PPP3CC: variants seen among roughly 807,000 people sequenced by gnomAD.
The protein encoded by PPP3CC is protein phosphatase 3 catalytic subunit gamma.
Under a neutral mutation model 60.3 loss-of-function variants are expected in PPP3CC, and 35 were observed. That is an observed-to-expected ratio of 0.58 (90% CI 0.44 to 0.77). The LOEUF (loss-of-function observed/expected upper bound fraction) is 0.77, where lower values mean the gene tolerates loss of function less well. Among genes scored for constraint, PPP3CC ranks in the 30% least tolerant of loss-of-function variants. The probability of loss-of-function intolerance (pLI) is 0.00; values close to 1 mark genes in which losing one functional copy is unlikely to be tolerated. For missense variants in PPP3CC, 570 were observed against 628.9 expected, an observed-to-expected ratio of 0.91 and a Z score of 1.00; for synonymous variants, 206 against 224.3, an observed-to-expected ratio of 0.92 and a Z score of 0.73.
intron 1 of PPP3CC, among the ~76,000 whole-genome samples, chr8:22,465,809 T>A (rs1159792596): frequency 6.6e-6 from 1 of 152,000 alleles, no homozygotes; most frequent in African/African-American, 2.4e-5. Context: ...GTGAGAAATA[T>A]TATTGTAGCC....
chr8:22,470,096 A>G (rs1012914606), intron 1 of PPP3CC, among the ~76,000 whole-genome samples: 1 of 151,732 alleles, frequency 6.6e-6, no homozygotes. Context: ...ATACATATAT[A>G]TATGTTCTCT....
Position 22,474,955 on chromosome 8 carries a change from T to C in PPP3CC, c.51T>C (p.Ala17=). 2 of 1,538,562 alleles carry C rather than the reference T, an allele frequency of 1.3e-6. No individual in the cohort carries two copies. The highest frequency in any genetic ancestry group is 1.8e-6 in the Non-Finnish European group (2 of 1,136,024). ...HLSTTDRVIK[A]VPFPPTQRLT... is the part of the protein sequence containing the mutation. The stretch of plus-strand genomic sequence containing the variant: ...ATTATTATTATTATTTTTTTGTAGC[T>C]GTCCCCTTTCCTCCAACCCAACGGC... Residue 17 remains alanine, a splice_region_variant and synonymous_variant, in exon 2 of 14, where the codon GCT becomes GCC. Transcript: ENST00000240139.
chr8:22,516,086 G>A (rs1017227152), intron 6 of PPP3CC, among the ~76,000 whole-genome samples: 1 of 152,082 alleles, frequency 6.6e-6, no homozygotes, highest in African/African-American at 2.4e-5. Flanking sequence ...CTATGGGCAT[G>A]TGCCACCATG....
At chr8:22,466,096 T>A (rs1837513793) in intron 1 of PPP3CC, among the ~76,000 whole-genome samples, 1 of 152,222 alleles carries the variant, frequency 6.6e-6, no homozygotes, top group Non-Finnish European at 1.5e-5. Context: ...TGTTTGGTTT[T>A]CTGTCCTTGT....
At chr8:22,448,059 A>G (rs1416849049) in intron 1 of PPP3CC, among the ~76,000 whole-genome samples, 1 of 152,234 alleles carries the variant, frequency 6.6e-6, no homozygotes, top group Non-Finnish European at 1.5e-5. Flanking sequence ...GAATTCATTC[A>G]GTAATTACCT....
chr8:22,532,383 T>C, intron 11 of PPP3CC, 77 bp downstream of exon 11: 5 of 1,289,590 alleles, frequency 3.9e-6, no homozygotes, highest in Non-Finnish European at 5.6e-6. Context: ...GAACAGTTTT[T>C]TTATAATTGG....
At chr8:22,449,474 G>GAAAAAAAAAAAAAAAAAAA (rs1554526851) in intron 1 of PPP3CC, among the ~76,000 whole-genome samples, 1 of 132,718 alleles carries the variant, frequency 7.5e-6, no homozygotes, top group African/African-American at 2.9e-5. Context: ...AAAAAAAAAG[G>GAAAAAAAAAAAAAAAAAAA]AAATGCCTCA....
At chr8:22,527,259 T>A (rs1839582288) in intron 8 of PPP3CC, 133 bp from the exon 9 acceptor site, 4 of 989,030 alleles carry the variant, frequency 4.0e-6, no homozygotes, top group Non-Finnish European at 5.9e-6. Context: ...ATCTGCCCTT[T>A]ACCTAGTCAA....
chr8:22,464,199 A>C lies in PPP3CC; in HGVS notation c.50-10755A>C, dbSNP rs549720832. On this transcript the variant is annotated intron_variant, in intron 1 of 13. Coordinates refer to ENST00000240139, the MANE Select transcript of PPP3CC (RefSeq NM_005605.5). ...TTAACCCAAATTTAATAAAGCAAAG[A>C]GTTCTCACAAAAGTTTTAAGTTAAT... Among the ~76,000 whole-genome samples the C allele has an allele frequency of 2.0e-5, 3 of 152,278 alleles. No homozygotes were observed. The East Asian group carries it at 5.8e-4, about 29-fold the overall frequency.
chr8:22,456,230 G>C (rs956941172), intron 1 of PPP3CC, among the ~76,000 whole-genome samples: 4 of 152,070 alleles, frequency 2.6e-5, no homozygotes, highest in African/African-American at 9.7e-5. Flanking sequence ...ACTCACCGCA[G>C]GTCAACCCAT....
At chr8:22,539,045 G>A (rs1382167401) in intron 12 of PPP3CC, among the ~76,000 whole-genome samples, 1 of 152,110 alleles carries the variant, frequency 6.6e-6, no homozygotes, top group South Asian at 2.1e-4. Context: ...CTTGAGAGCA[G>A]TAAGATGTAG....
chr8:22,539,760 A>G (rs1839919489), intron 13 of PPP3CC, among the ~76,000 whole-genome samples: 1 of 152,206 alleles, frequency 6.6e-6, no homozygotes, highest in South Asian at 2.1e-4. Flanking sequence ...AGCTTAAGCA[A>G]CTGGTCATGA....
intron 3 of PPP3CC, among the ~76,000 whole-genome samples, chr8:22,496,265 C>T (rs1838577339): frequency 3.3e-5 from 5 of 151,702 alleles, no homozygotes. Context: ...GGACCAGTAC[C>T]ACTGTTTTGA....
At chr8:22,461,401 T>C (rs1178078397) in intron 1 of PPP3CC, among the ~76,000 whole-genome samples, 3 of 152,204 alleles carry the variant, frequency 2.0e-5, no homozygotes, top group African/African-American at 7.2e-5. Context: ...CCTGGGTAAG[T>C]TCCAGCAGTA....
intron 4 of PPP3CC, among the ~76,000 whole-genome samples, chr8:22,503,422 A>G (rs1396978482): frequency 6.6e-6 from 1 of 152,182 alleles, no homozygotes; most frequent in South Asian, 2.1e-4. Context: ...TTAGGAGTAG[A>G]TACGTAGTGA....
chr8:22,500,222 A>C (rs1293548313), intron 4 of PPP3CC, among the ~76,000 whole-genome samples: 1 of 152,190 alleles, frequency 6.6e-6, no homozygotes, highest in African/African-American at 2.4e-5. Context: ...GTACTGAAAT[A>C]AAAGCAAAAT....
rs1227047353 is a variant in PPP3CC at position 22,457,840 on chromosome 8, C to T, written c.49+16382C>T. ...GGCGCAGTGGCTTACGCCTGTAATC[C>T]CAGCACTTTGGGAGGCCAAGGCGGG... On this transcript the variant is annotated intron_variant, in intron 1 of 13. Transcript: ENST00000240139. 2.0e-5 allele frequency among the ~76,000 whole-genome samples: 3 copies of T among 152,318 alleles called. No homozygotes were observed. In the East Asian group the frequency reaches 5.8e-4, roughly 29 times the overall value.
intron 6 of PPP3CC, among the ~76,000 whole-genome samples, chr8:22,522,017 CATA>C (rs1236671158): frequency 6.7e-6 from 1 of 149,164 alleles, no homozygotes; most frequent in Non-Finnish European, 1.5e-5. Context: ...TGTATTCCTG[CATA>C]ATATTATCTT....
chr8:22,492,751 G>A, intron 3 of PPP3CC: 1 of 1,021,850 alleles, frequency 9.8e-7, no homozygotes, highest in Admixed American at 1.7e-5. Context: ...AAAAACTTCA[G>A]TTCTCCTTAA....
Sources: gnomAD v4.1 joint callset for allele counts (sites outside exome capture counted in the v4.1 genomes callset) on GRCh38, gnomAD v4.1.1 for gene constraint, MANE v1.5 for transcripts, NCBI Gene and HGNC (gene_info 2026-07-23, HGNC 2026-07-21) for gene names.